Variants in ZFHX3 observed in about 807,000 individuals in gnomAD.
The protein encoded by ZFHX3 is zinc finger homeobox 3.
ZFHX3 carries 42 observed loss-of-function variants against 279.1 expected under a neutral mutation model. The ratio of observed to expected loss-of-function variants is 0.15; its 90% confidence interval spans 0.12 to 0.19. The LOEUF is 0.19. Among genes scored for constraint, ZFHX3 ranks in the 10% least tolerant of loss-of-function variants. The pLI is 1.00. For synonymous variants in ZFHX3, 2,293 were observed against 1,957.8 expected, an observed-to-expected ratio of 1.17 and a Z score of -4.52; for missense variants, 4,981 against 4,754.0, an observed-to-expected ratio of 1.05 and a Z score of -1.40.
intron 8 of ZFHX3, among the ~76,000 whole-genome samples, chr16:73,073,839 G>A (rs1235940220): frequency 4.6e-5 from 7 of 152,168 alleles, no homozygotes; most frequent in East Asian, 1.9e-4. Flanking sequence ...AGATAACTCC[G>A]TTGGTCAATG....
exon 8 of ZFHX3, chr16:73,093,261 A>G (rs1459452592): frequency 2.0e-6 from 1 of 506,566 alleles, no homozygotes; most frequent in South Asian, 1.4e-5. Flanking sequence ...GGTTCACTCA[A>G]AGGCCACGTG....
intron 1 of ZFHX3, among the ~76,000 whole-genome samples, chr16:73,685,767 T>C (rs1567551592): frequency 6.6e-6 from 1 of 152,158 alleles, no homozygotes; most frequent in Non-Finnish European, 1.5e-5. Flanking sequence ...ACCTCTTCCC[T>C]AAAACAACCC....
At chr16:73,106,442 C>G (rs1567390229) in intron 7 of ZFHX3, among the ~76,000 whole-genome samples, 1 of 152,078 alleles carries the variant, frequency 6.6e-6, no homozygotes, top group Admixed American at 6.6e-5. Context: ...TGTACAAACT[C>G]TCCCTCTCTA....
intron 4 of ZFHX3, among the ~76,000 whole-genome samples, chr16:72,866,271 A>G (rs2038021144): frequency 6.6e-6 from 1 of 152,222 alleles, no homozygotes; most frequent in Admixed American, 6.5e-5. Flanking sequence ...CAGGCTCCAC[A>G]CTAAGTATAA....
chr16:73,334,610 C>T (rs2015872733), intron 3 of ZFHX3, among the ~76,000 whole-genome samples: 1 of 151,854 alleles, frequency 6.6e-6, no homozygotes, highest in African/African-American at 2.4e-5. Context: ...AGCCGAGTGG[C>T]CACTCGCAGT....
chr16:73,252,632 G>A (rs1029196276), intron 5 of ZFHX3, among the ~76,000 whole-genome samples: 3 of 152,128 alleles, frequency 2.0e-5, no homozygotes, highest in Non-Finnish European at 4.4e-5. Context: ...AGCTCAGGGT[G>A]GGAGGAGACG....
At chr16:73,542,578 T>C (rs2020038041) in intron 2 of ZFHX3, among the ~76,000 whole-genome samples, 1 of 152,232 alleles carries the variant, frequency 6.6e-6, no homozygotes, top group Admixed American at 6.5e-5. Context: ...GATAAGGCGT[T>C]TTTGTAAGTG....
In ZFHX3 at chr16:72,950,801, C is replaced by A; in HGVS notation, c.2884G>T (p.Gly962Cys). The A allele has an allele frequency of 6.2e-7, 1 of 1,614,192 alleles. No individual in the cohort carries two copies. The highest frequency in any genetic ancestry group is 8.5e-7 in the Non-Finnish European group (1 of 1,180,042). ...CTGCGCTCCACGTTCATGTGCAGGC[C>A]CAGCATGTCCAGGTTGTCCGTCGTG... The part of the protein sequence containing the change: ...KFTTDNLDML[G>C]LHMNVERSLS... Residue 962 changes from glycine (G) to cysteine (C), a missense_variant, in exon 3 of 10, where the codon GGC (glycine) becomes TGC (cysteine). Gly to Cys is a radical substitution (Grantham distance 159, BLOSUM62 -3). This residue lies in a region of ZFHX3 where 1,751 missense variants were observed against 1,770.0 expected (regional missense o/e 0.99). Transcript: ENST00000268489.
At chr16:72,812,916 C>T (rs187699999) in intron 5 of ZFHX3, among the ~76,000 whole-genome samples, 3 of 152,182 alleles carry the variant, frequency 2.0e-5, no homozygotes, top group South Asian at 2.1e-4. Flanking sequence ...CTATTTTTAA[C>T]CCCAATCAGT....
intron 3 of ZFHX3, among the ~76,000 whole-genome samples, chr16:73,428,507 C>G (rs1456272509): frequency 2.0e-5 from 3 of 152,136 alleles, no homozygotes; most frequent in African/African-American, 7.2e-5. Context: ...TGCATTTGCC[C>G]CCAGCCACCA....
intron 1 of ZFHX3, among the ~76,000 whole-genome samples, chr16:73,749,527 C>T (rs1189473663): frequency 6.6e-6 from 1 of 152,168 alleles, no homozygotes; most frequent in Non-Finnish European, 1.5e-5. Flanking sequence ...ATATCTTCAT[C>T]TCTATTTTTT....
At chr16:73,125,301 A>G (rs1455602685) in intron 7 of ZFHX3, 1 of 151,450 alleles carries the variant, frequency 6.6e-6, no homozygotes, top group Non-Finnish European at 1.5e-5. Flanking sequence ...TAGAGCAAAC[A>G]TTGACATGGA....
chr16:73,006,631 GA>G (rs924142553), intron 1 of ZFHX3, among the ~76,000 whole-genome samples: 4 of 146,272 alleles, frequency 2.7e-5, no homozygotes, highest in African/African-American at 5.1e-5. Flanking sequence ...AGAAAGAAAA[GA>G]AAAAAAAGAA....
At chr16:73,490,793 T>C (rs1045052785) in intron 2 of ZFHX3, among the ~76,000 whole-genome samples, 1 of 152,150 alleles carries the variant, frequency 6.6e-6, no homozygotes, top group Non-Finnish European at 1.5e-5. Context: ...GCCCTGATAG[T>C]GCCATTGCAT....
intron 1 of ZFHX3, among the ~76,000 whole-genome samples, chr16:73,730,331 T>G (rs564717061): frequency 8.8e-4 from 107 of 122,136 alleles, no homozygotes; most frequent in Non-Finnish European, 1.3e-3. Context: ...TGATCAACCC[T>G]TGAATAACAC....
chr16:73,223,552 T>A (rs535204110), intron 5 of ZFHX3, among the ~76,000 whole-genome samples: 1 of 152,178 alleles, frequency 6.6e-6, no homozygotes, highest in Non-Finnish European at 1.5e-5. Context: ...CAACCCCATA[T>A]GAAATACTGG....
chr16:73,631,527 C>T lies in ZFHX3; in HGVS notation c.-1547+48653G>A, dbSNP rs184912995. Among the ~76,000 whole-genome samples, 896 of 152,238 alleles carry T rather than the reference C, an allele frequency of 5.9e-3. 5 individuals are homozygous for T. The highest frequency in any genetic ancestry group is 8.3e-3 in the Non-Finnish European group (565 of 68,014). Reference sequence around the variant, plus strand: ...GCACACAATTGGGGTTAGATGACAACAAGAAGTCATCATCTCTGGGTTAGA... The same window carrying T: ...GCACACAATTGGGGTTAGATGACAATAAGAAGTCATCATCTCTGGGTTAGA... On this transcript the variant is annotated intron_variant, in intron 2 of 17. Transcript: ENST00000641206.
intron 4 of ZFHX3, among the ~76,000 whole-genome samples, chr16:72,830,296 G>A (rs533527689): frequency 6.6e-6 from 1 of 152,340 alleles, no homozygotes; most frequent in South Asian, 2.1e-4. Flanking sequence ...TACTGGCCTA[G>A]ACCAGCCCCA....
At chr16:72,998,129 G>A (rs1464544800) in intron 1 of ZFHX3, among the ~76,000 whole-genome samples, 6 of 151,620 alleles carry the variant, frequency 4.0e-5, no homozygotes, top group African/African-American at 1.5e-4. Context: ...GGCTAGGTGC[G>A]GTGGCTCACA....
Sources: allele counts gnomAD v4.1 joint callset (sites outside exome capture counted in the v4.1 genomes callset), GRCh38; gene constraint gnomAD v4.1.1; regional missense constraint gnomAD v4.1.1; transcripts MANE v1.5; gene names NCBI Gene and HGNC (gene_info 2026-07-23, HGNC 2026-07-21).